The following DNAJC8 variants were observed in gnomAD, a reference collection of about 807,000 sequenced individuals.
DNAJC8 encodes the protein DnaJ heat shock protein family (Hsp40) member C8.
In DNAJC8, 24 loss-of-function variants were observed where a neutral mutation model predicts 43.2. The ratio of observed to expected loss-of-function variants is 0.56; its 90% CI spans 0.40 to 0.78. DNAJC8 has a LOEUF of 0.78. DNAJC8 is among the 30% of genes least tolerant of loss of function. DNAJC8 has a pLI of 0.00. For missense variants in DNAJC8, 207 were observed against 299.4 expected (o/e 0.69, Z 2.28); for synonymous variants, 83 against 98.0 (o/e 0.85, Z 0.90).
rs567968805 is a variant in DNAJC8, at chr1:28,219,409, T to A, written c.181-4413A>T. 2.0e-5 allele frequency among the ~76,000 whole-genome samples: 3 copies of A among 152,252 alleles called. No individual in the cohort carries two copies. The East Asian group carries it at 5.8e-4, about 29-fold the overall frequency. ...CTGTGGTCCCAGCTACTCAGGAAGC[T>A]GAGGCAAGAGAATGGCATGAACCCG... is the stretch of plus-strand genomic sequence containing the variant. On this transcript the variant is annotated intron_variant, in intron 2 of 8. Transcript: ENST00000263697.
At chr1:28,205,758 C>T (rs552987237) in intron 6 of DNAJC8, among the ~76,000 whole-genome samples, 8 of 152,176 alleles carry the variant, frequency 5.3e-5, no homozygotes, top group South Asian at 4.1e-4. Flanking sequence ...CATGTTGGTG[C>T]GTGACTGTAA....
chr1:28,223,741 A>G (rs1466189012), intron 2 of DNAJC8, among the ~76,000 whole-genome samples: 1 of 151,858 alleles, frequency 6.6e-6, no homozygotes, highest in Non-Finnish European at 1.5e-5. Flanking sequence ...AAAAAGAATA[A>G]TAATAAAGAA....
chr1:28,216,714 G>A (rs1646857716), intron 2 of DNAJC8, among the ~76,000 whole-genome samples: 2 of 151,768 alleles, frequency 1.3e-5, no homozygotes, highest in Non-Finnish European at 2.9e-5. Context: ...TGGACTGTAT[G>A]CTGGATAAAG....
intron 1 of DNAJC8, among the ~76,000 whole-genome samples, chr1:28,232,262 T>C (rs1177780591): frequency 1.3e-5 from 2 of 152,090 alleles, no homozygotes; most frequent in African/African-American, 4.8e-5. Flanking sequence ...AGATTCTGAC[T>C]CCAAACGGCA....
At chr1:28,205,462 C>T (rs936136452) in intron 6 of DNAJC8, 113 bp from the exon 7 acceptor site, 1 of 721,710 alleles carries the variant, frequency 1.4e-6, no homozygotes, top group Non-Finnish European at 2.3e-6. Flanking sequence ...CTGGCACAGG[C>T]TGTGCACCGT....
At position 28,201,218 on chromosome 1, in the gene DNAJC8, G is replaced by C. The variant is rs1348652560; in HGVS notation, c.*30C>G. The C allele has an allele frequency of 6.2e-7, 1 of 1,611,246 alleles. No individual in the cohort carries two copies. Among genetic ancestry groups the C allele is most frequent in the Non-Finnish European group, 8.5e-7 (1 of 1,179,702 alleles). On this transcript the variant is annotated 3_prime_UTR_variant, in exon 9 of 9. Transcript: ENST00000263697. ...CGAAGCAGGAAGGGAGATAGCAGGG[G>C]AAAGGTTCTGTGCCTGTGACCTTGG...
chr1:28,202,047 G>A (rs1026018970), intron 8 of DNAJC8, among the ~76,000 whole-genome samples: 12 of 152,074 alleles, frequency 7.9e-5, no homozygotes, highest in Middle Eastern at 3.4e-3. Context: ...CCAAGATCAC[G>A]CCATCGCACT....
In DNAJC8 at chr1:28,200,506, G is replaced by A. The variant is rs1646725963; in HGVS notation, c.*742C>T. The A allele has an allele frequency of 2.2e-6, 1 of 456,380 alleles. No homozygotes were observed. Among genetic ancestry groups the A allele is most frequent in the Non-Finnish European group, 4.4e-6 (1 of 226,814 alleles). The allele number at this position is 456,380 out of a possible 1,614,324, so 28.3% of individuals were successfully genotyped here. A position where few individuals can be genotyped will look rare whatever the true frequency, so the allele number is the denominator to read the frequency against. On this transcript the variant is annotated 3_prime_UTR_variant, in exon 9 of 9. Transcript: ENST00000263697. Reference sequence around the variant, plus strand: ...CCAAAGCATTTTGGGGTTCAGCCAAGCCAGACAAGGGACCCACAAGGGAGA... The same window carrying A: ...CCAAAGCATTTTGGGGTTCAGCCAAACCAGACAAGGGACCCACAAGGGAGA...
chr1:28,202,971 T>C (rs1420233882), intron 8 of DNAJC8, among the ~76,000 whole-genome samples: 2 of 152,092 alleles, frequency 1.3e-5, no homozygotes, highest in Non-Finnish European at 2.9e-5. Flanking sequence ...CTCAAAAAGG[T>C]TAAATGATTT....
At chr1:28,207,116 G>A (rs867927413) in intron 6 of DNAJC8, among the ~76,000 whole-genome samples, 2 of 151,532 alleles carry the variant, frequency 1.3e-5, no homozygotes, top group Middle Eastern at 3.4e-3. Flanking sequence ...GGTGGTCCAC[G>A]CCTGTAATCC....
At chr1:28,213,219 A>G (rs1482448250) in intron 3 of DNAJC8, among the ~76,000 whole-genome samples, 1 of 152,222 alleles carries the variant, frequency 6.6e-6, no homozygotes, top group Non-Finnish European at 1.5e-5. Flanking sequence ...CTATCAGTCC[A>G]TATTAATGAT....
intron 2 of DNAJC8, among the ~76,000 whole-genome samples, chr1:28,223,783 G>C (rs927482699): frequency 1.3e-5 from 2 of 151,484 alleles, no homozygotes; most frequent in Non-Finnish European, 2.9e-5. Context: ...CTAACTATTA[G>C]AATAAATCCT....
chr1:28,216,845 G>C (rs965219850), intron 2 of DNAJC8, among the ~76,000 whole-genome samples: 1 of 127,874 alleles, frequency 7.8e-6, no homozygotes, highest in Non-Finnish European at 1.6e-5. Flanking sequence ...TTTTGCTCTT[G>C]TTGCCCAGGC....
chr1:28,212,188 TATATATATATATATATATATATATATAA>T (rs1305926554), intron 3 of DNAJC8, among the ~76,000 whole-genome samples: 12 of 96,932 alleles, frequency 1.2e-4, no homozygotes, highest in African/African-American at 5.9e-4. Context: ...TATATATATA[TATATATATATATATATATATATATATAA>T]ATGAAATTAA....
At chr1:28,231,142 G>A (rs548105142) in intron 1 of DNAJC8, among the ~76,000 whole-genome samples, 6 of 152,096 alleles carry the variant, frequency 3.9e-5, no homozygotes, top group Admixed American at 3.3e-4. Flanking sequence ...AGGCCAAGAC[G>A]GGAGGATTGC....
chr1:28,211,457 T>A (rs535293286), intron 3 of DNAJC8, among the ~76,000 whole-genome samples: 35 of 152,298 alleles, frequency 2.3e-4, no homozygotes, highest in African/African-American at 8.4e-4. Context: ...CTGAAATACT[T>A]CTAGTCTCAA....
chr1:28,229,296 T>C (rs1397982710), intron 1 of DNAJC8, among the ~76,000 whole-genome samples: 1 of 152,208 alleles, frequency 6.6e-6, no homozygotes, highest in African/African-American at 2.4e-5. Flanking sequence ...TTAGAGAAGG[T>C]AACTGACTTG....
intron 1 of DNAJC8, among the ~76,000 whole-genome samples, chr1:28,231,992 T>C (rs1363397267): frequency 6.6e-6 from 1 of 152,070 alleles, no homozygotes; most frequent in African/African-American, 2.4e-5. Flanking sequence ...CCTGACCTCG[T>C]GATCCGCCCG....
Position 28,225,995 on chromosome 1 carries a change from C to A in DNAJC8, c.180+2927G>T, listed in dbSNP as rs112988823. On this transcript the variant is annotated intron_variant, in intron 2 of 8. Transcript: ENST00000263697. The stretch of plus-strand genomic sequence containing the variant: ...CTGAGATTACAGGCGTGAGCCACCA[C>A]ACCTGGCCAAAATGGCAAATTTTAT... Among the ~76,000 whole-genome samples the A allele has an allele frequency of 6.4e-3, 966 of 151,080 alleles. 31 individuals are homozygous for A. The highest frequency in any genetic ancestry group is 0.022 in the African/African-American group (915 of 41,160).
Sources: gnomAD v4.1 joint callset for allele counts (sites outside exome capture counted in the v4.1 genomes callset) on GRCh38, gnomAD v4.1.1 for gene constraint, MANE v1.5 for transcripts, NCBI Gene and HGNC (gene_info 2026-07-23, HGNC 2026-07-21) for gene names.